EGFLAM: variants seen among roughly 807,000 people sequenced by gnomAD.
EGFLAM encodes pikachurin.
In EGFLAM, 79 loss-of-function variants were observed where a neutral mutation model predicts 113.1. The observed-to-expected ratio is 0.70, with a 90% confidence interval of 0.58 to 0.84. EGFLAM has a LOEUF of 0.84. EGFLAM is among the 40% of genes least tolerant of loss of function. The probability of loss-of-function intolerance (pLI) is 0.00; values close to 1 mark genes in which losing one functional copy is unlikely to be tolerated. For synonymous variants in EGFLAM, 504 were observed against 487.6 expected (o/e 1.03, Z -0.44); for missense variants, 1,265 against 1,291.6 (o/e 0.98, Z 0.32).
At position 38,329,564 on chromosome 5, in the gene EGFLAM, C is replaced by T. The variant is rs74407629; in HGVS notation, c.98-7956C>T. 2.3e-3 allele frequency among the ~76,000 whole-genome samples: 347 copies of T among 152,234 alleles called. 8 individuals carry two copies. The East Asian group carries it at 0.045, about 20-fold the overall frequency. ...TTCTCTGTGTTGCCCAAGCTAGAAT[C>T]CTTGGAGTCACCTGATTTCCACTTT... is the stretch of plus-strand genomic sequence containing the variant. On this transcript the variant is annotated intron_variant, in intron 1 of 21. Coordinates refer to ENST00000322350, the MANE Select transcript of EGFLAM (RefSeq NM_152403.4).
At chr5:38,406,353 TG>T (rs1176494544) in intron 7 of EGFLAM, 112 bp downstream of exon 7, 3 of 891,706 alleles carry the variant, frequency 3.4e-6, no homozygotes, top group Non-Finnish European at 5.2e-6. Context: ...TGTGCCCATT[TG>T]CTTTTAACAC....
In EGFLAM at chr5:38,462,999, G is replaced by T. The variant is rs769164364; in HGVS notation, c.2863G>T (p.Ala955Ser). The change falls in exon 21 of 22, where the codon GCT becomes TCT. Residue 955 changes from alanine to serine, a missense_variant. Physicochemically the swap from Ala to Ser is moderately conservative, Grantham distance 99. Coordinates refer to ENST00000322350, the MANE Select transcript of EGFLAM (RefSeq NM_152403.4). The part of the protein sequence containing the change: ...GMMRQLNING[A>S]LYVGGMKEIA... ...GATGCGGCAGCTTAACATCAATGGA[G>T]CTCTGTATGTGGGTAAGTGACCGAC... 1 of 1,613,986 alleles carries T rather than the reference G, an allele frequency of 6.2e-7. No homozygotes were observed. The highest frequency in any genetic ancestry group is 1.7e-5 in the Admixed American group (1 of 60,018).
At position 38,259,749 on chromosome 5, in the gene EGFLAM, T is replaced by C. The variant is rs2561052; in HGVS notation, c.97+898T>C. ...GTCTTATGGGATTAATTATATCTTA[T>C]GAACAATGGAAAACAATATTACTTT... On this transcript the variant is annotated intron_variant, in intron 1 of 21. Coordinates refer to ENST00000322350, the MANE Select transcript of EGFLAM (RefSeq NM_152403.4). Among the ~76,000 whole-genome samples the C allele has an allele frequency of 4.4e-3, 674 of 152,324 alleles. 6 individuals are homozygous for C. The highest frequency in any genetic ancestry group is 0.016 in the African/African-American group (650 of 41,580).
intron 1 of EGFLAM, among the ~76,000 whole-genome samples, chr5:38,309,931 G>A: frequency 6.6e-6 from 1 of 152,160 alleles, no homozygotes; most frequent in East Asian, 1.9e-4. Context: ...CACTGCTAGT[G>A]TAATGCCAGA....
At chr5:38,292,768 T>A (rs1384017318) in intron 1 of EGFLAM, among the ~76,000 whole-genome samples, 2 of 152,168 alleles carry the variant, frequency 1.3e-5, no homozygotes, top group Non-Finnish European at 2.9e-5. Flanking sequence ...CAAGGAGAAC[T>A]TTCTGGAGGA....
At chr5:38,455,564 T>G (rs191961630) in intron 19 of EGFLAM, among the ~76,000 whole-genome samples, 12 of 152,238 alleles carry the variant, frequency 7.9e-5, no homozygotes, top group Admixed American at 6.5e-4. Flanking sequence ...AGGTAACCAC[T>G]CTTCTTGGTC....
chr5:38,374,322 CTCAA>C (rs751000129), intron 6 of EGFLAM, among the ~76,000 whole-genome samples: 41 of 152,230 alleles, frequency 2.7e-4, no homozygotes, highest in Non-Finnish European at 4.9e-4. Context: ...TTTATTACTG[CTCAA>C]TCAGTCTCCC....
chr5:38,266,104 G>A (rs1332915181), intron 1 of EGFLAM, among the ~76,000 whole-genome samples: 1 of 152,284 alleles, frequency 6.6e-6, no homozygotes, highest in African/African-American at 2.4e-5. Flanking sequence ...TTGCAATGGC[G>A]TTAACAAAAA....
At chr5:38,425,208 T>A in intron 13 of EGFLAM, 116 bp downstream of exon 13, 1 of 1,453,586 alleles carries the variant, frequency 6.9e-7, no homozygotes, top group Non-Finnish European at 9.2e-7. Flanking sequence ...AGACAAAGGC[T>A]CCCTCTCTTA....
chr5:38,369,280 T>C (rs1740145950), intron 5 of EGFLAM, among the ~76,000 whole-genome samples: 1 of 152,222 alleles, frequency 6.6e-6, no homozygotes, highest in African/African-American at 2.4e-5. Context: ...ATATAACCCA[T>C]ATAAAAACTA....
At chr5:38,434,970 A>C (rs2112217453) in intron 15 of EGFLAM, among the ~76,000 whole-genome samples, 167 bp from the exon 16 acceptor site, 1 of 152,338 alleles carries the variant, frequency 6.6e-6, no homozygotes, top group Non-Finnish European at 1.5e-5. Context: ...GGTAAGGAGC[A>C]ATGAGAAACA....
chr5:38,372,979 G>A (rs1372818478), intron 6 of EGFLAM, among the ~76,000 whole-genome samples: 2 of 151,964 alleles, frequency 1.3e-5, no homozygotes, highest in Non-Finnish European at 2.9e-5. Context: ...TTATCAAATA[G>A]CACTATCTGA....
At chr5:38,299,977 C>T (rs1758538085) in intron 1 of EGFLAM, among the ~76,000 whole-genome samples, 1 of 152,062 alleles carries the variant, frequency 6.6e-6, no homozygotes, top group South Asian at 2.1e-4. Flanking sequence ...AAAAAATAAA[C>T]AATCTGAAAA....
chr5:38,298,737 A>G (rs759192744), intron 1 of EGFLAM, among the ~76,000 whole-genome samples: 20 of 152,002 alleles, frequency 1.3e-4, no homozygotes, highest in Non-Finnish European at 2.5e-4. Flanking sequence ...GTCTCACTCT[A>G]TCACCCAGGC....
chr5:38,325,642 A>G (rs144425711), intron 1 of EGFLAM, among the ~76,000 whole-genome samples: 2 of 152,200 alleles, frequency 1.3e-5, no homozygotes, highest in African/African-American at 4.8e-5. Context: ...AATACAAAAT[A>G]CTCTTTTTAA....
At chr5:38,427,640 A>G (rs1300372720) in intron 14 of EGFLAM, among the ~76,000 whole-genome samples, 1 of 152,264 alleles carries the variant, frequency 6.6e-6, no homozygotes, top group Non-Finnish European at 1.5e-5. Context: ...GGCACCCAGC[A>G]AATACATGTC....
At chr5:38,383,300 T>C (rs925447434) in intron 6 of EGFLAM, among the ~76,000 whole-genome samples, 4 of 152,200 alleles carry the variant, frequency 2.6e-5, no homozygotes, top group African/African-American at 7.2e-5. Flanking sequence ...AACTGGTACA[T>C]ACATTTCTTT....
At chr5:38,361,700 C>T (rs745546441) in intron 5 of EGFLAM, among the ~76,000 whole-genome samples, 31 of 152,098 alleles carry the variant, frequency 2.0e-4, no homozygotes, top group African/African-American at 4.8e-4. Context: ...TGTCCTAGGC[C>T]GCATGTGGCC....
intron 6 of EGFLAM, among the ~76,000 whole-genome samples, chr5:38,382,131 TA>T (rs1740525640): frequency 6.6e-6 from 1 of 152,046 alleles, no homozygotes; most frequent in Admixed American, 6.5e-5. Context: ...TCAGGCAACA[TA>T]AAAAATATTA....
Sources: allele counts gnomAD v4.1 joint callset (sites outside exome capture counted in the v4.1 genomes callset), GRCh38; gene constraint gnomAD v4.1.1; transcripts MANE v1.5; gene names NCBI Gene and HGNC (gene_info 2026-07-23, HGNC 2026-07-21).